Variants in CXorf65 observed in about 807,000 individuals in gnomAD.
The protein encoded by CXorf65 is uncharacterized protein CXorf65.
For missense variants in CXorf65, 137 were observed against 144.7 expected, an observed-to-expected ratio of 0.95 and a Z score of 0.27; for synonymous variants, 54 against 51.4, an observed-to-expected ratio of 1.05 and a Z score of -0.21.
intron 3 of CXorf65, among the ~76,000 whole-genome samples, 159 bp downstream of exon 3, chrX:71,105,841 C>T (rs892960348): frequency 1.8e-5 from 2 of 111,154 alleles, no homozygotes; most frequent in East Asian, 2.8e-4. Flanking sequence ...GTCTCAAACT[C>T]CTGCCCTCTA....
chrX:71,104,626 A>G (rs2092241904), intron 4 of CXorf65, 143 bp downstream of exon 4: 7 of 585,350 alleles, frequency 1.2e-5, no homozygotes, highest in Non-Finnish European at 1.6e-5. Context: ...CGTCCCTCCT[A>G]AAGTGGACCT....
chrX:71,105,894 G>T, intron 3 of CXorf65, 106 bp downstream of exon 3: 1 of 889,364 alleles, frequency 1.1e-6, no homozygotes, highest in Non-Finnish European at 1.6e-6. Flanking sequence ...GAGATTACAA[G>T]CATGAGCCAC....
intron 3 of CXorf65, among the ~76,000 whole-genome samples, chrX:71,105,776 T>TTTTTGG (rs1177042619): frequency 9.1e-6 from 1 of 110,331 alleles, no homozygotes; most frequent in Admixed American, 9.7e-5. Flanking sequence ...GTTTTGGTTG[T>TTTTTGG]TTTTGGTTTT....
intron 3 of CXorf65, among the ~76,000 whole-genome samples, chrX:71,105,567 CAAA>C (rs36081226): frequency 0.2 from 14,803 of 74,791 alleles, 1,337 homozygotes; most frequent in African/African-American, 0.36. Context: ...AACTCTGTCC[CAAA>C]AAAAAAAAAA....
intron 4 of CXorf65, 34 bp from the exon 5 acceptor site, chrX:71,104,438 G>C (rs2092241246): frequency 4.2e-6 from 4 of 962,653 alleles, no homozygotes; most frequent in South Asian, 4.5e-5. Context: ...GCACCTCTGA[G>C]AACTAGAGAC....
At chrX:71,104,438 G>T in intron 4 of CXorf65, 34 bp from the exon 5 acceptor site, 1 of 964,887 alleles carries the variant, frequency 1.0e-6, no homozygotes, top group Non-Finnish European at 1.4e-6. Flanking sequence ...GCACCTCTGA[G>T]AACTAGAGAC....
intron 4 of CXorf65, 106 bp downstream of exon 4, chrX:71,104,663 C>T: frequency 1.2e-6 from 1 of 823,293 alleles, no homozygotes; most frequent in South Asian, 2.3e-5. Context: ...TTCCTAGGCT[C>T]CTATCATCTG....
intron 3 of CXorf65, among the ~76,000 whole-genome samples, chrX:71,105,258 T>C (rs2092244251): frequency 9.5e-6 from 1 of 105,775 alleles, no homozygotes; most frequent in East Asian, 2.9e-4. Flanking sequence ...ATAAAATAAA[T>C]AAATAAATAA....
intron 5 of CXorf65, 25 bp downstream of exon 5, chrX:71,104,273 G>A (rs750391830): frequency 8.8e-7 from 1 of 1,139,528 alleles, no homozygotes. Flanking sequence ...GGGTGCTGGG[G>A]CAGATCACAT....
In CXorf65 at chrX:71,104,834, G is replaced by C. The variant is rs920024294; in HGVS notation, c.254C>G (p.Thr85Ser). Residue 85 changes from threonine (T) to serine (S), a missense_variant, in exon 4 of 6, where the codon ACC becomes AGC. Coordinates refer to ENST00000374251, the MANE Select transcript of CXorf65 (RefSeq NM_001025265.3). Reference sequence around the variant, plus strand: ...AGCTCTGTAAGCATTCTCCAGCCTGGTTCCTGTGAACATAGCCATGTGCTA... The same window carrying C: ...AGCTCTGTAAGCATTCTCCAGCCTGCTTCCTGTGAACATAGCCATGTGCTA... ...VCKVERGPPG[T>S]RLENAYRAFV... The C allele has an allele frequency of 2.5e-6, 3 of 1,207,468 alleles. No individual in the cohort carries two copies. The highest frequency in any genetic ancestry group is 3.4e-6 in the Non-Finnish European group (3 of 893,146).
Position 71,104,811 on chromosome X carries a change from C to T in CXorf65, c.277G>A (p.Ala93Thr). ...GGATTCTTGAGGAGAGGCACAAAAGCTCTGTAAGCATTCTCCAGCCTGGTT... is the reference window on the plus strand; with the variant it reads ...GGATTCTTGAGGAGAGGCACAAAAGTTCTGTAAGCATTCTCCAGCCTGGTT... The part of the protein sequence containing the change: ...PGTRLENAYR[A>T]FVPLLKNPEP... The change falls in exon 4 of 6, where the codon GCT becomes ACT. Residue 93 changes from alanine (A) to threonine (T), a missense_variant. By Grantham distance (58) the Ala-to-Thr change is moderately conservative. Transcript: ENST00000374251. The T allele has an allele frequency of 8.3e-7, 1 of 1,211,502 alleles. No individual in the cohort carries two copies. The highest frequency in any genetic ancestry group is 3.0e-5 in the East Asian group (1 of 33,852).
intron 3 of CXorf65, 91 bp from the exon 4 acceptor site, chrX:71,104,928 T>G: frequency 1.2e-6 from 1 of 846,279 alleles, no homozygotes; most frequent in Non-Finnish European, 1.7e-6. Context: ...CACTAAAGAC[T>G]ACCCGCCAGA....
In CXorf65 at chrX:71,104,050, G is replaced by C. The variant is rs762275461; in HGVS notation, c.489C>G (p.Asn163Lys). The C allele has an allele frequency of 3.3e-6, 4 of 1,205,823 alleles. No individual in the cohort carries two copies. Among genetic ancestry groups the C allele is most frequent in the Non-Finnish European group, 4.5e-6 (4 of 892,418 alleles). Residue 163 changes from asparagine (N) to lysine (K), a missense_variant, in exon 6 of 6, where the codon AAC becomes AAG. Coordinates refer to ENST00000374251, the MANE Select transcript of CXorf65 (RefSeq NM_001025265.3). Reference sequence around the variant, plus strand: ...CTTTATTCTTCCTGAAGTCTGGTCTGTTCCTAAAGGTCGGAGACTTGCGAG... The same window carrying C: ...CTTTATTCTTCCTGAAGTCTGGTCTCTTCCTAAAGGTCGGAGACTTGCGAG... ...KSTRKSPTFRNRPDFRKNKGR... is the reference protein window; with the variant it reads ...KSTRKSPTFRKRPDFRKNKGR...
intron 3 of CXorf65, 55 bp downstream of exon 3, chrX:71,105,945 A>T (rs994366692): frequency 8.7e-7 from 1 of 1,149,339 alleles, no homozygotes; most frequent in Non-Finnish European, 1.2e-6. Context: ...GATAAGGTTC[A>T]TAATCTATCT....
At position 71,106,012 on chromosome X, in the gene CXorf65, G is replaced by A. The variant is rs963337813; in HGVS notation, c.238C>T (p.Arg80Cys). Residue 80 changes from arginine (R) to cysteine (C), a missense_variant, in exon 3 of 6, where the codon CGT becomes TGT. Arg to Cys is a radical substitution (Grantham distance 180). Transcript: ENST00000374251. The part of the protein sequence containing the change: ...RSTYYVCKVE[R>C]GPPGTRLENA... ...CCTGAGCCTCTACCTGGTGGCCCACGTTCCACCTTACAAACGTAGTAGGTG... is the reference window on the plus strand; with the variant it reads ...CCTGAGCCTCTACCTGGTGGCCCACATTCCACCTTACAAACGTAGTAGGTG... The A allele has an allele frequency of 3.3e-6, 4 of 1,208,948 alleles. No individual in the cohort carries two copies. Among genetic ancestry groups the A allele is most frequent in the Non-Finnish European group, 3.4e-6 (3 of 894,696 alleles).
At position 71,104,594 on chromosome X, in the gene CXorf65, A is replaced by G. The variant is rs970737491; in HGVS notation, c.319+175T>C. On this transcript the variant is annotated intron_variant, in intron 4 of 5. Coordinates refer to ENST00000374251, the MANE Select transcript of CXorf65 (RefSeq NM_001025265.3). ...GGGAAGTGGGGAGTAACGCATGCAC[A>G]TTCCACCTGGTGTGAGCTAAACGTC... The G allele has an allele frequency of 2.0e-5, 10 of 508,198 alleles. No individual in the cohort carries two copies. In the African/African-American group the frequency reaches 2.2e-4, roughly 11 times the overall value. 41.9% of individuals were successfully genotyped at this position (508,198 alleles called of 1,213,427 possible).
chrX:71,104,415 G>A lies in CXorf65; in HGVS notation c.320-11C>T. The stretch of plus-strand genomic sequence containing the variant: ...GTATGCGCAGTGCAACTAAGAACAA[G>A]GAAAAGGCACCTGCACCTCTGAGAA... On this transcript the variant is annotated splice_polypyrimidine_tract_variant and intron_variant, in intron 4 of 5. Transcript: ENST00000374251. 1 of 1,105,570 alleles carries A rather than the reference G, an allele frequency of 9.0e-7. No individual in the cohort carries two copies. The highest frequency in any genetic ancestry group is 1.2e-6 in the Non-Finnish European group (1 of 809,401). The allele number at this position is 1,105,570 out of a possible 1,213,427, so 91.1% of individuals were successfully genotyped here. A position where few individuals can be genotyped will look rare whatever the true frequency, so the allele number is the denominator to read the frequency against.
chrX:71,104,688 G>C, intron 4 of CXorf65, 81 bp downstream of exon 4: 1 of 977,187 alleles, frequency 1.0e-6, no homozygotes, highest in Non-Finnish European at 1.5e-6. Flanking sequence ...ACCATATCAC[G>C]CTAGTCCCAC....
intron 5 of CXorf65, 70 bp downstream of exon 5, chrX:71,104,228 G>T: frequency 9.0e-7 from 1 of 1,107,048 alleles, no homozygotes; most frequent in Non-Finnish European, 1.2e-6. Flanking sequence ...GAGGGCTGGG[G>T]TGTAGGAACA....
Sources: allele counts gnomAD v4.1 joint callset (sites outside exome capture counted in the v4.1 genomes callset), GRCh38; gene constraint gnomAD v4.1.1; transcripts MANE v1.5; gene names NCBI Gene and HGNC (gene_info 2026-07-23, HGNC 2026-07-21).